PRSS27: variants seen among roughly 807,000 people sequenced by gnomAD.
PRSS27 encodes serine protease 27.
Under a neutral mutation model 32.0 loss-of-function variants are expected in PRSS27, and 25 were observed. The observed-to-expected ratio is 0.78, with a 90% CI of 0.57 to 1.09. The LOEUF is 1.09. PRSS27 is among the 50% of genes least tolerant of loss of function. The probability of loss-of-function intolerance (pLI) is 0.00; values close to 1 mark genes in which losing one functional copy is unlikely to be tolerated. For missense variants in PRSS27, 401 were observed against 394.9 expected, an observed-to-expected ratio of 1.02 and a Z score of -0.13; for synonymous variants, 178 against 172.2, an observed-to-expected ratio of 1.03 and a Z score of -0.26.
At chr16:2,718,909 G>C (rs187509555) in intron 1 of PRSS27, among the ~76,000 whole-genome samples, 14 of 152,118 alleles carry the variant, frequency 9.2e-5, no homozygotes, top group African/African-American at 3.4e-4. Context: ...GGACAGCTGA[G>C]CCCTTCAGGG....
chr16:2,719,558 G>A (rs746125162), intron 1 of PRSS27, among the ~76,000 whole-genome samples: 4 of 152,146 alleles, frequency 2.6e-5, no homozygotes, highest in South Asian at 2.1e-4. Flanking sequence ...GAGAGGGCAC[G>A]GTGGCGCATC....
rs1168546728 is a variant in PRSS27, at chr16:2,714,047, C to A, written c.508+18G>T. 3 of 1,588,268 alleles carry A rather than the reference C, an allele frequency of 1.9e-6. No individual in the cohort carries two copies. Among genetic ancestry groups the A allele is most frequent in the South Asian group, 2.3e-5 (2 of 87,256 alleles). The stretch of plus-strand genomic sequence containing the variant: ...CTTGAGGCATATCCCCCATTCTTTC[C>A]CAGCCCTGTCCCCTTACCTTCCTCA... On this transcript the variant is annotated intron_variant, in intron 4 of 5. Coordinates refer to ENST00000302641, the MANE Select transcript of PRSS27 (RefSeq NM_031948.5). This position sits in a 1 kb window ranked among gnomAD's most constrained non-coding sequence, Gnocchi z 4.7.
At chr16:2,718,472 C>T (rs2067715843) in intron 1 of PRSS27, 1 of 152,106 alleles carries the variant, frequency 6.6e-6, no homozygotes, top group Admixed American at 6.6e-5. Context: ...GGCCCGCCAC[C>T]AAGCCCGGCT....
chr16:2,716,808 A>T, intron 1 of PRSS27: 1 of 516,294 alleles, frequency 1.9e-6, no homozygotes, highest in Non-Finnish European at 3.5e-6. Context: ...AGGGATCCCC[A>T]GGCTAGATGT....
chr16:2,714,964 C>A lies in PRSS27; in HGVS notation c.237-628G>T, dbSNP rs773272803. 6.5e-6 allele frequency: 1 copy of A among 153,320 alleles called. No individual in the cohort carries two copies. The highest frequency in any genetic ancestry group is 1.4e-5 in the Non-Finnish European group (1 of 69,160). The allele number at this position is 153,320 out of a possible 1,614,324, so 9.5% of individuals were successfully genotyped here. A position where few individuals can be genotyped will look rare whatever the true frequency, so the allele number is the denominator to read the frequency against. On this transcript the variant is annotated intron_variant, in intron 3 of 5. Transcript: ENST00000302641. The surrounding 1 kb of genome is among the most constrained non-coding windows in gnomAD (Gnocchi z 4.7). ...TATTTTTAGTAGAGACAGGGTCTTG[C>A]TGTGTTGCCCGGGCTGGTCTTGAAC...
chr16:2,715,546 T>A, intron 3 of PRSS27, 172 bp downstream of exon 3: 1 of 523,372 alleles, frequency 1.9e-6, no homozygotes, highest in Non-Finnish European at 3.3e-6. Flanking sequence ...AACTGGAAGT[T>A]AGCCCTGGAG....
rs968849451 is a variant in PRSS27 at position 2,716,297 on chromosome 16, A to G, written c.73+203T>C. 26 of 619,388 alleles carry G rather than the reference A, an allele frequency of 4.2e-5. No homozygotes were observed. The Admixed American group carries it at 5.4e-4, about 13-fold the overall frequency. The allele number at this position is 619,388 out of a possible 1,614,324, so 38.4% of individuals were successfully genotyped here. On this transcript the variant is annotated intron_variant, in intron 2 of 5. Transcript: ENST00000302641. ...CCGCCCTCATCCTGCACCGCGCCTCAAGGCTCTGTGCTGCCCGTCCTGCTC... is the reference window on the plus strand; with the variant it reads ...CCGCCCTCATCCTGCACCGCGCCTCGAGGCTCTGTGCTGCCCGTCCTGCTC...
chr16:2,713,951 C>T (rs942135037), intron 4 of PRSS27, 114 bp downstream of exon 4: 13 of 1,206,234 alleles, frequency 1.1e-5, no homozygotes, highest in African/African-American at 4.6e-5. Context: ...GAACAGAGAC[C>T]GTGTGTATGT....
At chr16:2,715,948 C>A in intron 2 of PRSS27, 68 bp from the exon 3 acceptor site, 1 of 1,348,294 alleles carries the variant, frequency 7.4e-7, no homozygotes, top group Non-Finnish European at 1.0e-6. Context: ...GCCCAGCTCT[C>A]AGCCTCACAC....
At chr16:2,716,234 G>C (rs779275865) in intron 2 of PRSS27, 1 of 581,486 alleles carries the variant, frequency 1.7e-6, no homozygotes, top group Non-Finnish European at 3.1e-6. Context: ...GCCACCCAGA[G>C]GGGGCCAGTC....
At chr16:2,715,960 C>G (rs2067699839) in intron 2 of PRSS27, 80 bp from the exon 3 acceptor site, 19 of 1,285,856 alleles carry the variant, frequency 1.5e-5, no homozygotes, top group Middle Eastern at 2.8e-4. Context: ...GCCTCACACT[C>G]CAGTCCTCGG....
chr16:2,714,415 G>A lies in PRSS27; in HGVS notation c.237-79C>T. On this transcript the variant is annotated intron_variant, in intron 3 of 5. Transcript: ENST00000302641. The surrounding 1 kb of genome is among the most constrained non-coding windows in gnomAD (Gnocchi z 4.7). ...CCCGGGAGGGGCTGGGGCTCCTCTG[G>A]CCACCACCGTGCCCCACACCTCTCT... 6.6e-7 allele frequency: 1 copy of A among 1,510,148 alleles called. No individual in the cohort carries two copies. The highest frequency in any genetic ancestry group is 9.0e-7 in the Non-Finnish European group (1 of 1,109,786). 93.5% of individuals were successfully genotyped at this position (1,510,148 alleles called of 1,614,324 possible).
intron 5 of PRSS27, 99 bp downstream of exon 5, chr16:2,713,430 G>T: frequency 7.8e-7 from 1 of 1,281,984 alleles, no homozygotes; most frequent in Non-Finnish European, 1.1e-6. Flanking sequence ...AAGCTGCTCA[G>T]CTGGTTGAAT....
intron 3 of PRSS27, chr16:2,715,364 T>C (rs766942182): frequency 4.1e-5 from 9 of 218,564 alleles, no homozygotes; most frequent in Admixed American, 1.2e-4. Context: ...CCGGGAAGAG[T>C]GTCCTGGAGC....
At chr16:2,719,271 A>G (rs1430787074) in intron 1 of PRSS27, among the ~76,000 whole-genome samples, 3 of 151,804 alleles carry the variant, frequency 2.0e-5, no homozygotes, top group Non-Finnish European at 4.4e-5. Context: ...GACTGGGGGC[A>G]TGGGGTGGGG....
chr16:2,714,479 G>T lies in PRSS27; in HGVS notation c.237-143C>A. 1 of 911,734 alleles carries T rather than the reference G, an allele frequency of 1.1e-6. No homozygotes were observed. The highest frequency in any genetic ancestry group is 1.7e-6 in the Non-Finnish European group (1 of 597,950). 56.5% of individuals were successfully genotyped at this position (911,734 alleles called of 1,614,324 possible). A position where few individuals can be genotyped will look rare whatever the true frequency, so the allele number is the denominator to read the frequency against. On this transcript the variant is annotated intron_variant, in intron 3 of 5. Transcript: ENST00000302641. The surrounding 1 kb of genome is among the most constrained non-coding windows in gnomAD (Gnocchi z 4.7). ...TCGAGAGTCATCTCTAGGACAGCCA[G>T]GTGCAGCGGTGATGCGTGTTGACAT...
chr16:2,713,737 C>A lies in PRSS27; in HGVS notation c.509-39G>T, dbSNP rs368790238. On this transcript the variant is annotated intron_variant, in intron 4 of 5. Transcript: ENST00000302641. The stretch of plus-strand genomic sequence containing the variant: ...GAACAGCCCAGGGCTCAACGGACTT[C>A]CTCATCAAGAACCCACGGCCCCGGG... 90 of 1,605,472 alleles carry A rather than the reference C, an allele frequency of 5.6e-5. No individual in the cohort carries two copies. In the African/African-American group the frequency reaches 1.1e-3, roughly 20 times the overall value.
Position 2,714,125 on chromosome 16 carries a change from C to T in PRSS27, c.448G>A (p.Val150Met). ...ILPVCLPDPS[V>M]IFETGMNCWV... is the part of the protein sequence containing the mutation. ...CAGTTCATGCCCGTCTCAAAGATCA[C>T]CGAGGGGTCAGGCAGGCACACGGGG... Residue 150 changes from valine to methionine, a missense_variant, in exon 4 of 6, where the codon GTG (valine) becomes ATG (methionine). Coordinates refer to ENST00000302641, the MANE Select transcript of PRSS27 (RefSeq NM_031948.5). The surrounding 1 kb of genome is among the most constrained non-coding windows in gnomAD (Gnocchi z 4.7). The T allele has an allele frequency of 1.9e-6, 3 of 1,614,106 alleles. No homozygotes were observed. Among genetic ancestry groups the T allele is most frequent in the Non-Finnish European group, 2.5e-6 (3 of 1,180,000 alleles).
rs200493073 is a variant in PRSS27, at chr16:2,716,529, G to C, written c.47-3C>G. The C allele has an allele frequency of 3.7e-6, 6 of 1,600,654 alleles. No homozygotes were observed. In the African/African-American group the frequency reaches 6.7e-5, roughly 18 times the overall value. ...TGCTGCCTTGGCCCTCTGAGACCCT[G>C]GAAGTGAGGAGAGGGTGATCAGCCA... On this transcript the variant is annotated splice_polypyrimidine_tract_variant and splice_region_variant and intron_variant, in intron 1 of 5. Transcript: ENST00000302641.
Sources: gnomAD v4.1 joint callset for allele counts (sites outside exome capture counted in the v4.1 genomes callset) on GRCh38, gnomAD v4.1.1 for gene constraint, Gnocchi (gnomAD v3.1) non-coding constraint, MANE v1.5 for transcripts, NCBI Gene and HGNC (gene_info 2026-07-23, HGNC 2026-07-21) for gene names.